EPC1: variants seen among roughly 807,000 people sequenced by gnomAD.
EPC1 encodes the protein enhancer of polycomb homolog 1.
Under a neutral mutation model 98.4 loss-of-function variants are expected in EPC1, and 12 were observed. The ratio of observed to expected loss-of-function variants is 0.12; its 90% CI spans 0.08 to 0.20. The LOEUF is 0.20. EPC1 is among the 10% of genes least tolerant of loss of function. The probability of loss-of-function intolerance (pLI) is 1.00; values close to 1 mark genes in which losing one functional copy is unlikely to be tolerated. For synonymous variants in EPC1, 357 were observed against 363.9 expected (o/e 0.98, Z 0.21); for missense variants, 729 against 990.5 (o/e 0.74, Z 3.54).
intron 1 of EPC1, among the ~76,000 whole-genome samples, chr10:32,365,515 T>C (rs924949547): frequency 3.9e-5 from 6 of 151,958 alleles, no homozygotes; most frequent in Non-Finnish European, 1.5e-5. Context: ...ATGATGGAAA[T>C]ATGAAGAGTA....
chr10:32,340,422 C>T (rs1256174202), intron 1 of EPC1, among the ~76,000 whole-genome samples: 1 of 152,162 alleles, frequency 6.6e-6, no homozygotes. Flanking sequence ...ATTTAAAATA[C>T]TGTAAGAACT....
intron 1 of EPC1, among the ~76,000 whole-genome samples, chr10:32,321,120 G>T (rs1285324157): frequency 6.6e-6 from 1 of 152,076 alleles, no homozygotes; most frequent in East Asian, 1.9e-4. Context: ...TAAAGACAAA[G>T]ATTAGAGGTT....
At chr10:32,350,081 T>C (rs565720480), upstream of EPC1, among the ~76,000 whole-genome samples, 2 of 152,350 alleles carry the variant, frequency 1.3e-5, no homozygotes, top group East Asian at 1.9e-4. Flanking sequence ...AAATTCCTTC[T>C]TTTTCTAAGT....
rs1803886263 is a variant in EPC1, at chr10:32,271,903, A to G, written c.2020T>C (p.Leu674=). 1 of 1,613,894 alleles carries G rather than the reference A, an allele frequency of 6.2e-7. No homozygotes were observed. Residue 674 remains leucine (L), a synonymous_variant, in exon 13 of 14, where the codon TTA becomes CTA. Transcript: ENST00000319778. ...GTTGGTGTAGTACTACTGAGGTGTAAGCCCTTGTATACTCCTAGAGAGAAA... is the reference window on the plus strand; with the variant it reads ...GTTGGTGTAGTACTACTGAGGTGTAGGCCCTTGTATACTCCTAGAGAGAAA... ...VLPASGVYKG[L]HLSSTTPTAL... is the part of the protein sequence containing the mutation.
intron 5 of EPC1, 38 bp downstream of exon 5, chr10:32,292,458 C>A: frequency 7.0e-7 from 1 of 1,422,860 alleles, no homozygotes. Flanking sequence ...ATGTTAATGG[C>A]ACTATACTTC....
chr10:32,303,281 G>A (rs1012857481), intron 2 of EPC1, among the ~76,000 whole-genome samples: 2 of 152,172 alleles, frequency 1.3e-5, no homozygotes, highest in Non-Finnish European at 2.9e-5. Context: ...CAGCCTGGGT[G>A]ACAGTGTGAG....
At chr10:32,292,876 T>C in intron 4 of EPC1, 112 bp downstream of exon 4, 1 of 805,284 alleles carries the variant, frequency 1.2e-6, no homozygotes, top group East Asian at 3.0e-5. Context: ...GTATTTTTCT[T>C]ATAATTGGAA....
rs72050442 is a variant in EPC1, at chr10:32,299,565, T to TCATCATC, written c.314-5829_314-5828insGATGATG. Among the ~76,000 whole-genome samples the TCATCATC allele has an allele frequency of 6.5e-3, 906 of 138,714 alleles. 2 individuals are homozygous for TCATCATC. The highest frequency in any genetic ancestry group is 0.014 in the South Asian group (65 of 4,666). 91.0% of individuals were successfully genotyped at this position (138,714 alleles called of 152,430 possible). A position where few individuals can be genotyped will look rare whatever the true frequency, so the allele number is the denominator to read the frequency against. On this transcript the variant is annotated intron_variant, in intron 2 of 13. Coordinates refer to ENST00000319778, the MANE Select transcript of EPC1 (RefSeq NM_001272004.3). The stretch of plus-strand genomic sequence containing the variant: ...CCATCATCATCATCATCATCATCAT[T>TCATCATC]ATTATTATTATTAGCACATTCCTCA...
chr10:32,376,545 G>A (rs948417412), intron 1 of EPC1, among the ~76,000 whole-genome samples: 1 of 152,016 alleles, frequency 6.6e-6, no homozygotes. Context: ...AAATGTTACA[G>A]TGAACATTTT....
intron 1 of EPC1, among the ~76,000 whole-genome samples, chr10:32,366,008 CTGTAATCCCAGCTACT>C (rs1462476924): frequency 1.8e-4 from 28 of 151,496 alleles, no homozygotes; most frequent in African/African-American, 5.8e-4. Flanking sequence ...TGGCGCGTGC[CTGTAATCCCAGCTACT>C]TGGGAGGCTG....
intron 1 of EPC1, among the ~76,000 whole-genome samples, chr10:32,362,555 G>C (rs1427804727): frequency 6.6e-6 from 1 of 152,192 alleles, no homozygotes; most frequent in Non-Finnish European, 1.5e-5. Context: ...CTCCCCGGAA[G>C]CCGAGCAGAT....
intron 1 of EPC1, among the ~76,000 whole-genome samples, chr10:32,344,550 T>C (rs2479349): frequency 1 from 151,663 of 152,090 alleles, 75,619 homozygotes; most frequent in Non-Finnish European, 1. Flanking sequence ...CTTTGGGAGG[T>C]CGAGGCGGGC....
chr10:32,306,508 G>C (rs1469872409), intron 1 of EPC1, among the ~76,000 whole-genome samples: 2 of 152,140 alleles, frequency 1.3e-5, no homozygotes, highest in African/African-American at 4.8e-5. Flanking sequence ...TGCAGAGTAT[G>C]TGTAGGGGCA....
chr10:32,347,061 C>A lies in EPC1; in HGVS notation c.-146G>T. 8.2e-6 allele frequency: 12 copies of A among 1,459,978 alleles called. No individual in the cohort carries two copies. Among genetic ancestry groups the A allele is most frequent in the Non-Finnish European group, 1.1e-5 (12 of 1,111,916 alleles). 90.4% of individuals were successfully genotyped at this position (1,459,978 alleles called of 1,614,324 possible). On this transcript the variant is annotated 5_prime_UTR_variant, in exon 1 of 14. Coordinates refer to ENST00000319778, the MANE Select transcript of EPC1 (RefSeq NM_001272004.3). ...AGAGCCCGCCGTCCGGGCACTAACA[C>A]CAGCCGGGAGGGTGGGAGGCTGTGC...
intron 2 of EPC1, among the ~76,000 whole-genome samples, chr10:32,295,820 T>C (rs1835119970): frequency 6.6e-6 from 1 of 152,168 alleles, no homozygotes; most frequent in Non-Finnish European, 1.5e-5. Flanking sequence ...TAGCACAGAT[T>C]ACAGAACATT....
At chr10:32,345,142 C>T (rs1249125026) in intron 1 of EPC1, 2 of 978,056 alleles carry the variant, frequency 2.0e-6, no homozygotes, top group Non-Finnish European at 2.4e-6. Flanking sequence ...TTTTTAAAAA[C>T]AAATCACTTA....
intron 9 of EPC1, chr10:32,286,458 T>C (rs1373763238): frequency 2.0e-6 from 1 of 506,208 alleles, no homozygotes; most frequent in Non-Finnish European, 3.5e-6. Flanking sequence ...TATCTGAGGT[T>C]TTCCACCTTG....
intron 11 of EPC1, 23 bp from the exon 12 acceptor site, chr10:32,272,190 A>C (rs750106116): frequency 6.3e-7 from 1 of 1,589,272 alleles, no homozygotes; most frequent in Non-Finnish European, 8.6e-7. Context: ...TACAAAAGAA[A>C]TCTAATCAGT....
chr10:32,293,446 A>G, intron 3 of EPC1, 146 bp downstream of exon 3: 4 of 842,034 alleles, frequency 4.8e-6, no homozygotes, highest in Non-Finnish European at 7.1e-6. Context: ...CAGGTTACTG[A>G]TAAGCAGAGA....
Sources: allele counts gnomAD v4.1 joint callset (sites outside exome capture counted in the v4.1 genomes callset), GRCh38; gene constraint gnomAD v4.1.1; transcripts MANE v1.5; gene names NCBI Gene and HGNC (gene_info 2026-07-23, HGNC 2026-07-21).